LARP1: variants seen among roughly 807,000 people sequenced by gnomAD.
LARP1 encodes la-related protein 1.
LARP1 carries 36 observed loss-of-function variants against 122.7 expected under a neutral mutation model. That is an observed-to-expected ratio of 0.29 (90% CI 0.22 to 0.39). The LOEUF (loss-of-function observed/expected upper bound fraction) is 0.39, where lower values mean the gene tolerates loss of function less well. Among genes scored for constraint, LARP1 ranks in the 10% least tolerant of loss-of-function variants. The probability of loss-of-function intolerance (pLI) is 1.00; values close to 1 mark genes in which losing one functional copy is unlikely to be tolerated. For missense variants in LARP1, 1,040 were observed against 1,403.6 expected, an observed-to-expected ratio of 0.74 and a Z score of 4.14; for synonymous variants, 539 against 528.7, an observed-to-expected ratio of 1.02 and a Z score of -0.27.
At position 154,790,341 on chromosome 5, in the gene LARP1, C is replaced by G. The variant is rs1440165381; in HGVS notation, c.453C>G (p.Ala151=). Residue 151 remains alanine (A), a synonymous_variant, in exon 2 of 19, where the codon GCC becomes GCG. Transcript: ENST00000518297. ...TTCCCACAGAACACTCTGCTCCAGCCAAGGTGGTGAGGGCAGCTGTTCCTA... is the reference window on the plus strand; with the variant it reads ...TTCCCACAGAACACTCTGCTCCAGCGAAGGTGGTGAGGGCAGCTGTTCCTA... The part of the protein sequence containing the change: ...GQSPPEHSAP[A]KVVRAAVPKQ... 3 of 1,613,544 alleles carry G rather than the reference C, an allele frequency of 1.9e-6. No homozygotes were observed. The highest frequency in any genetic ancestry group is 2.5e-6 in the Non-Finnish European group (3 of 1,179,818).
chr5:154,725,897 G>A (rs1441112798), intron 1 of LARP1, among the ~76,000 whole-genome samples: 2 of 152,226 alleles, frequency 1.3e-5, no homozygotes, highest in East Asian at 3.9e-4. Context: ...CTGGAGTACA[G>A]TGGTACAATC....
intron 1 of LARP1, 30 bp from the exon 2 acceptor site, chr5:154,790,295 A>G (rs1336477189): frequency 3.1e-6 from 5 of 1,603,562 alleles, no homozygotes; most frequent in Admixed American, 1.7e-5. Flanking sequence ...TGGGCTTTGC[A>G]TTACTAACTC....
intron 1 of LARP1, among the ~76,000 whole-genome samples, chr5:154,730,700 C>T (rs1357726399): frequency 6.6e-6 from 1 of 151,798 alleles, no homozygotes; most frequent in Non-Finnish European, 1.5e-5. Context: ...TCTCAAACTC[C>T]TGACCTTGTG....
intron 1 of LARP1, among the ~76,000 whole-genome samples, chr5:154,767,335 C>A (rs974367671): frequency 6.6e-6 from 1 of 152,188 alleles, no homozygotes; most frequent in African/African-American, 2.4e-5. Flanking sequence ...TTTTGAGGCC[C>A]TGACTTTGGC....
At chr5:154,798,176 G>A (rs1189149615) in intron 8 of LARP1, among the ~76,000 whole-genome samples, 1 of 152,148 alleles carries the variant, frequency 6.6e-6, no homozygotes, top group Non-Finnish European at 1.5e-5. Context: ...TTACATTTGT[G>A]TAAAACATTT....
chr5:154,713,355 C>T (rs1755321139), intron 1 of LARP1, among the ~76,000 whole-genome samples: 1 of 152,194 alleles, frequency 6.6e-6, no homozygotes, highest in African/African-American at 2.4e-5. Context: ...TGTCACACCC[C>T]TTGTTCTGAA....
chr5:154,813,876 C>A lies in LARP1; in HGVS notation c.3082-11C>A. The A allele has an allele frequency of 6.2e-7, 1 of 1,612,078 alleles. No homozygotes were observed. Among genetic ancestry groups the A allele is most frequent in the South Asian group, 1.1e-5 (1 of 90,990 alleles). On this transcript the variant is annotated splice_polypyrimidine_tract_variant and intron_variant, in intron 18 of 18. Coordinates refer to ENST00000518297, the MANE Select transcript of LARP1 (RefSeq NM_033551.3). The stretch of plus-strand genomic sequence containing the variant: ...GCTTCTGATCACCTGTGACTCCTTC[C>A]TCTGTTGCAGCCCCCCATGGGTGAG...
intron 1 of LARP1, among the ~76,000 whole-genome samples, chr5:154,765,221 C>T (rs1754836624): frequency 6.6e-6 from 1 of 152,190 alleles, no homozygotes; most frequent in Non-Finnish European, 1.5e-5. Context: ...CTTCCTGAAA[C>T]ATGTCATGTA....
chr5:154,716,759 T>G (rs1403144887), intron 1 of LARP1, among the ~76,000 whole-genome samples: 3 of 148,854 alleles, frequency 2.0e-5, no homozygotes, highest in Non-Finnish European at 4.4e-5. Context: ...GATGGCAACA[T>G]TTTAAAATGA....
chr5:154,779,716 C>A (rs969390562), intron 1 of LARP1, among the ~76,000 whole-genome samples: 2 of 152,130 alleles, frequency 1.3e-5, no homozygotes, highest in Non-Finnish European at 2.9e-5. Flanking sequence ...CCATGTTGGT[C>A]AGTCTGGTCT....
chr5:154,752,984 G>A (rs1753584458), upstream of LARP1, among the ~76,000 whole-genome samples: 1 of 151,918 alleles, frequency 6.6e-6, no homozygotes, highest in Admixed American at 6.6e-5. Flanking sequence ...TCTGGCCCTA[G>A]TTTGTCTCTC....
chr5:154,730,317 T>C (rs1167733120), intron 1 of LARP1, among the ~76,000 whole-genome samples: 2 of 151,344 alleles, frequency 1.3e-5, no homozygotes, highest in Non-Finnish European at 2.9e-5. Context: ...GCCTCCCGAG[T>C]AGCTGCGATT....
Position 154,793,632 on chromosome 5 carries a change from G to A in LARP1, c.777G>A (p.Met259Ile). ...AGTGGGTTCCATTACAAATAGACATGAAGCCTGAAGTGCCCAGAGAGAAAC... is the reference window on the plus strand; with the variant it reads ...AGTGGGTTCCATTACAAATAGACATAAAGCCTGAAGTGCCCAGAGAGAAAC... ...KHKWVPLQID[M>I]KPEVPREKLA... The change falls in exon 5 of 19, where the codon ATG (methionine) becomes ATA (isoleucine). Residue 259 changes from methionine to isoleucine, a missense_variant. Physicochemically the swap from Met to Ile is conservative, Grantham distance 10. Around this residue, in one of 8 missense-constraint regions of LARP1, gnomAD observed 178 missense variants for 178.3 expected, o/e 1.00. Coordinates refer to ENST00000518297, the MANE Select transcript of LARP1 (RefSeq NM_033551.3). The A allele has an allele frequency of 6.2e-7, 1 of 1,614,156 alleles. No homozygotes were observed. The highest frequency in any genetic ancestry group is 8.5e-7 in the Non-Finnish European group (1 of 1,180,030).
At chr5:154,758,094 A>G (rs1314911704) in intron 1 of LARP1, among the ~76,000 whole-genome samples, 1 of 151,788 alleles carries the variant, frequency 6.6e-6, no homozygotes, top group Non-Finnish European at 1.5e-5. Context: ...CTCCTTTTAA[A>G]TGGGGCTACT....
chr5:154,791,166 G>A (rs1374198927), intron 3 of LARP1, among the ~76,000 whole-genome samples: 7 of 131,638 alleles, frequency 5.3e-5, no homozygotes, highest in Non-Finnish European at 9.4e-5. Context: ...ATGGAGTCTC[G>A]CTCAGTCACC....
chr5:154,808,620 G>T lies in LARP1; in HGVS notation c.2843+17G>T. On this transcript the variant is annotated intron_variant, in intron 16 of 18. Coordinates refer to ENST00000518297, the MANE Select transcript of LARP1 (RefSeq NM_033551.3). Reference sequence around the variant, plus strand: ...AGGCTACAGGTGAGCAGGTTTGGGTGGGGGACTTTGGCTGGTGCTTAGGGA... The same window carrying T: ...AGGCTACAGGTGAGCAGGTTTGGGTTGGGGACTTTGGCTGGTGCTTAGGGA... 2 of 1,606,298 alleles carry T rather than the reference G, an allele frequency of 1.2e-6. No individual in the cohort carries two copies. Among genetic ancestry groups the T allele is most frequent in the Non-Finnish European group, 1.7e-6 (2 of 1,176,066 alleles).
chr5:154,720,184 CTG>C (rs1166936702), intron 1 of LARP1, among the ~76,000 whole-genome samples: 2 of 148,668 alleles, frequency 1.3e-5, no homozygotes, highest in African/African-American at 4.9e-5. Context: ...GAGCGAGACT[CTG>C]TCTCAAAATA....
intron 1 of LARP1, among the ~76,000 whole-genome samples, chr5:154,764,133 A>T (rs2113614228): frequency 6.6e-6 from 1 of 151,938 alleles, no homozygotes; most frequent in East Asian, 1.9e-4. Context: ...ACACAGTGAA[A>T]CCCTGCCTCT....
intron 1 of LARP1, among the ~76,000 whole-genome samples, chr5:154,735,362 G>A (rs1285244257): frequency 6.6e-6 from 1 of 151,756 alleles, no homozygotes; most frequent in African/African-American, 2.4e-5. Context: ...TAAGGCAGTA[G>A]AACTGCTTGA....
Sources: allele counts gnomAD v4.1 joint callset (sites outside exome capture counted in the v4.1 genomes callset), GRCh38; gene constraint gnomAD v4.1.1; regional missense constraint gnomAD v4.1.1; transcripts MANE v1.5; gene names NCBI Gene and HGNC (gene_info 2026-07-23, HGNC 2026-07-21).